CMSS1: variants seen among roughly 807,000 people sequenced by gnomAD.
CMSS1 encodes protein CMSS1.
Under a neutral mutation model 43.5 loss-of-function variants are expected in CMSS1, and 33 were observed. The observed-to-expected ratio is 0.76, with a 90% confidence interval of 0.57 to 1.01. The LOEUF (loss-of-function observed/expected upper bound fraction) is 1.01. Among genes scored for constraint, CMSS1 ranks in the 50% least tolerant of loss-of-function variants. CMSS1 has a pLI of 0.00. For missense variants in CMSS1, 313 were observed against 326.4 expected (o/e 0.96, Z 0.32); for synonymous variants, 115 against 117.2 (o/e 0.98, Z 0.12).
intron 1 of CMSS1, chr3:99,850,316 T>C: frequency 6.2e-7 from 1 of 1,613,348 alleles, no homozygotes; most frequent in Non-Finnish European, 8.5e-7. Context: ...TGCTTTGTGG[T>C]CATCCTTTCT....
intron 1 of CMSS1, among the ~76,000 whole-genome samples, chr3:100,122,624 G>A (rs2066631191): frequency 6.6e-6 from 1 of 152,180 alleles, no homozygotes; most frequent in South Asian, 2.1e-4. Context: ...TACATAATAG[G>A]AACTCTGCTC....
chr3:99,988,236 G>T (rs931877901), intron 1 of CMSS1, among the ~76,000 whole-genome samples: 1 of 150,434 alleles, frequency 6.6e-6, no homozygotes, highest in Non-Finnish European at 1.5e-5. Context: ...AGTGCCTCAC[G>T]CCTGTAATCC....
At chr3:99,955,413 G>A (rs1708293768) in intron 1 of CMSS1, among the ~76,000 whole-genome samples, 2 of 152,142 alleles carry the variant, frequency 1.3e-5, no homozygotes, top group African/African-American at 4.8e-5. Flanking sequence ...GATTTTTTTA[G>A]CGAAGGCATT....
At chr3:100,047,336 G>A (rs1434094580) in intron 1 of CMSS1, among the ~76,000 whole-genome samples, 1 of 152,180 alleles carries the variant, frequency 6.6e-6, no homozygotes, top group African/African-American at 2.4e-5. Context: ...ATTTATTGAT[G>A]CTATTATTGT....
intron 1 of CMSS1, among the ~76,000 whole-genome samples, chr3:99,864,381 T>C (rs532631637): frequency 9.9e-5 from 15 of 152,282 alleles, no homozygotes; most frequent in South Asian, 8.3e-4. Context: ...TTAATACTTA[T>C]AGCAACTGTA....
At chr3:100,171,412 T>C (rs1292479817) in intron 6 of CMSS1, among the ~76,000 whole-genome samples, 2 of 152,076 alleles carry the variant, frequency 1.3e-5, no homozygotes, top group African/African-American at 4.8e-5. Context: ...CCTTTGTAGA[T>C]GCCCTTGGCT....
chr3:99,974,210 A>G (rs1708902475), intron 1 of CMSS1, among the ~76,000 whole-genome samples: 1 of 152,228 alleles, frequency 6.6e-6, no homozygotes, highest in South Asian at 2.1e-4. Context: ...TTTATCATTG[A>G]AGGACTTGTC....
intron 1 of CMSS1, among the ~76,000 whole-genome samples, chr3:100,140,899 G>A (rs1394934757): frequency 1.3e-5 from 2 of 151,864 alleles, no homozygotes; most frequent in Non-Finnish European, 2.9e-5. Flanking sequence ...CTGAAAATTG[G>A]TATTTTACTC....
intron 1 of CMSS1, among the ~76,000 whole-genome samples, chr3:100,030,190 TC>T (rs1255362414): frequency 2.0e-5 from 3 of 152,144 alleles, no homozygotes; most frequent in Non-Finnish European, 4.4e-5. Context: ...ACTCCTATTT[TC>T]TAGTTTAATA....
At position 99,995,509 on chromosome 3, in the gene CMSS1, G is replaced by A. The variant is rs554858224; in HGVS notation, c.65-151464G>A. Among the ~76,000 whole-genome samples the A allele has an allele frequency of 3.9e-5, 6 of 152,296 alleles. No homozygotes were observed. In the South Asian group the frequency reaches 8.3e-4, roughly 21 times the overall value. On this transcript the variant is annotated intron_variant, in intron 1 of 9. Coordinates refer to ENST00000421999, the MANE Select transcript of CMSS1 (RefSeq NM_032359.4). Reference sequence around the variant, plus strand: ...CTTCCATTCTGGGGTCTGGAGGATGGTGGCCCTCTTCTCACAGCTCCACTA... The same window carrying A: ...CTTCCATTCTGGGGTCTGGAGGATGATGGCCCTCTTCTCACAGCTCCACTA...
At chr3:99,945,814 A>G (rs1707990800) in intron 1 of CMSS1, among the ~76,000 whole-genome samples, 1 of 152,168 alleles carries the variant, frequency 6.6e-6, no homozygotes, top group African/African-American at 2.4e-5. Context: ...CAATTTTTTT[A>G]AAAAGAGAAA....
intron 1 of CMSS1, among the ~76,000 whole-genome samples, chr3:100,007,853 A>G (rs556467076): frequency 1.3e-5 from 2 of 152,292 alleles, no homozygotes; most frequent in East Asian, 1.9e-4. Flanking sequence ...ACAGGTGTCT[A>G]TTGGTGTCTG....
chr3:99,974,455 A>G (rs1461655257), intron 1 of CMSS1, among the ~76,000 whole-genome samples: 1 of 152,180 alleles, frequency 6.6e-6, no homozygotes, highest in Non-Finnish European at 1.5e-5. Context: ...CACGCCTGTA[A>G]TCACAGCACT....
At chr3:100,165,894 A>G (rs1267371189) in intron 4 of CMSS1, among the ~76,000 whole-genome samples, 1 of 152,202 alleles carries the variant, frequency 6.6e-6, no homozygotes, top group Non-Finnish European at 1.5e-5. Flanking sequence ...ATTCTCAACA[A>G]CACTTGGTAT....
intron 1 of CMSS1, among the ~76,000 whole-genome samples, chr3:100,111,426 C>T (rs942281452): frequency 6.6e-6 from 1 of 152,176 alleles, no homozygotes; most frequent in East Asian, 1.9e-4. Context: ...GTTTATCTAT[C>T]TGCTGAACAG....
chr3:100,157,506 A>G (rs1411862366), intron 2 of CMSS1, among the ~76,000 whole-genome samples: 1 of 152,230 alleles, frequency 6.6e-6, no homozygotes, highest in African/African-American at 2.4e-5. Context: ...TAGTGTATTC[A>G]TGGTAGGGTG....
At chr3:99,940,692 G>A (rs1186963297) in intron 1 of CMSS1, among the ~76,000 whole-genome samples, 8 of 152,130 alleles carry the variant, frequency 5.3e-5, no homozygotes, top group Non-Finnish European at 7.4e-5. Flanking sequence ...CAGAGAACCC[G>A]AAATTTCCTA....
chr3:100,026,205 CCT>C (rs1435077347), intron 1 of CMSS1, among the ~76,000 whole-genome samples: 3 of 151,980 alleles, frequency 2.0e-5, no homozygotes, highest in African/African-American at 7.3e-5. Context: ...CTTTTTATGG[CCT>C]GTTTTAAAAT....
intron 1 of CMSS1, among the ~76,000 whole-genome samples, chr3:99,982,994 A>G (rs546736832): frequency 2.6e-5 from 4 of 152,274 alleles, no homozygotes; most frequent in Middle Eastern, 3.4e-3. Context: ...GTGCCCACAT[A>G]TAAGCTGTGC....
Sources: allele counts gnomAD v4.1 joint callset (sites outside exome capture counted in the v4.1 genomes callset), GRCh38; gene constraint gnomAD v4.1.1; transcripts MANE v1.5; gene names NCBI Gene and HGNC (gene_info 2026-07-23, HGNC 2026-07-21).